FAM227B: variants seen among roughly 807,000 people sequenced by gnomAD.
FAM227B encodes protein FAM227B.
FAM227B carries 88 observed loss-of-function variants against 73.8 expected under a neutral mutation model. The observed-to-expected ratio is 1.19, with a 90% CI of 1.00 to 1.42. The LOEUF (loss-of-function observed/expected upper bound fraction) is 1.42. FAM227B is among the 40% of genes most tolerant of loss of function. The probability of loss-of-function intolerance (pLI) is 0.00; values close to 1 mark genes in which losing one functional copy is unlikely to be tolerated. For synonymous variants in FAM227B, 210 were observed against 190.5 expected (o/e 1.10, Z -0.84); for missense variants, 632 against 590.9 (o/e 1.07, Z -0.72).
intron 11 of FAM227B, among the ~76,000 whole-genome samples, chr15:49,471,057 T>C (rs1354611646): frequency 6.6e-6 from 1 of 152,220 alleles, no homozygotes; most frequent in African/African-American, 2.4e-5. Flanking sequence ...AAAAGTCTTG[T>C]TGATACTCTT....
intron 11 of FAM227B, among the ~76,000 whole-genome samples, chr15:49,392,603 G>C (rs906798740): frequency 3.9e-5 from 6 of 152,286 alleles, no homozygotes; most frequent in African/African-American, 1.4e-4. Context: ...AGAAGACAAA[G>C]AGCAAAGGAC....
At chr15:49,378,369 T>C (rs1321669811) in intron 11 of FAM227B, among the ~76,000 whole-genome samples, 2 of 152,088 alleles carry the variant, frequency 1.3e-5, no homozygotes, top group Admixed American at 6.6e-5. Flanking sequence ...AGGGATAGCA[T>C]TGAATCTGTA....
intron 11 of FAM227B, among the ~76,000 whole-genome samples, chr15:49,391,674 A>G (rs1321324333): frequency 6.6e-6 from 1 of 152,100 alleles, no homozygotes; most frequent in African/African-American, 2.4e-5. Flanking sequence ...TCCTTAAGCA[A>G]TTGCAAATCA....
intron 12 of FAM227B, chr15:49,367,865 A>AT (rs2045455955): frequency 9.1e-6 from 1 of 109,662 alleles, no homozygotes; most frequent in Non-Finnish European, 1.8e-5. Flanking sequence ...TCTTAAGAAC[A>AT]GAAAAAAAAA....
chr15:49,576,920 A>C, intron 6 of FAM227B, 75 bp from the exon 7 acceptor site: 1 of 764,060 alleles, frequency 1.3e-6, no homozygotes, highest in Non-Finnish European at 2.2e-6. Flanking sequence ...TAACTACAGA[A>C]GACCAACATT....
At chr15:49,490,374 A>G (rs1268587271) in intron 11 of FAM227B, among the ~76,000 whole-genome samples, 1 of 151,994 alleles carries the variant, frequency 6.6e-6, no homozygotes, top group East Asian at 1.9e-4. Flanking sequence ...CTGTTAAAAT[A>G]TATTTCAGAT....
At chr15:49,528,915 A>C (rs985219810) in intron 10 of FAM227B, among the ~76,000 whole-genome samples, 1 of 151,750 alleles carries the variant, frequency 6.6e-6, no homozygotes, top group African/African-American at 2.4e-5. Context: ...AAAAGCATGG[A>C]GATTTCTCAA....
At chr15:49,484,128 C>CT (rs1371513779) in intron 11 of FAM227B, among the ~76,000 whole-genome samples, 1 of 151,812 alleles carries the variant, frequency 6.6e-6, no homozygotes, top group African/African-American at 2.4e-5. Context: ...TTTAAGATAC[C>CT]TTTTTATGCA....
chr15:49,496,186 T>C (rs1443881854), intron 11 of FAM227B, among the ~76,000 whole-genome samples: 1 of 152,156 alleles, frequency 6.6e-6, no homozygotes, highest in Non-Finnish European at 1.5e-5. Context: ...CTGTGTTTCT[T>C]TTTATTTTTT....
At chr15:49,528,038 TG>T (rs1184543770) in intron 10 of FAM227B, among the ~76,000 whole-genome samples, 1 of 151,776 alleles carries the variant, frequency 6.6e-6, no homozygotes, top group African/African-American at 2.4e-5. Flanking sequence ...AAAATGCCTG[TG>T]TATCCAAAGC....
intron 15 of FAM227B, chr15:49,329,692 A>T (rs1218012025): frequency 4.1e-6 from 4 of 976,802 alleles, no homozygotes; most frequent in Non-Finnish European, 4.9e-6. Context: ...TAAATCCAAA[A>T]ATCTGAAACC....
chr15:49,605,893 T>TG (rs1475325177), intron 3 of FAM227B, among the ~76,000 whole-genome samples: 1 of 152,022 alleles, frequency 6.6e-6, no homozygotes, highest in Non-Finnish European at 1.5e-5. Flanking sequence ...GGAGTGGACT[T>TG]GGAGACTGGG....
chr15:49,568,712 C>T (rs1386854665), intron 8 of FAM227B, among the ~76,000 whole-genome samples: 1 of 152,086 alleles, frequency 6.6e-6, no homozygotes, highest in Admixed American at 6.5e-5. Context: ...GTTAATTATC[C>T]TTACATTCCA....
chr15:49,611,968 G>A (rs899997174), intron 2 of FAM227B, among the ~76,000 whole-genome samples: 4 of 150,516 alleles, frequency 2.7e-5, no homozygotes, highest in Non-Finnish European at 4.4e-5. Flanking sequence ...AGTTTTCTCC[G>A]TGGTAACATA....
intron 3 of FAM227B, chr15:49,606,128 C>G (rs1053298347): frequency 3.9e-5 from 6 of 152,190 alleles, no homozygotes; most frequent in Admixed American, 3.3e-4. Context: ...CTAGGACTCC[C>G]ATATAGTGAA....
intron 1 of FAM227B, chr15:49,620,245 T>C (rs1680043159): frequency 6.6e-6 from 1 of 152,248 alleles, no homozygotes; most frequent in Non-Finnish European, 1.5e-5. Flanking sequence ...TTGCATTTTC[T>C]GTACTTGAAT....
chr15:49,475,029 T>A (rs914400806), intron 11 of FAM227B, among the ~76,000 whole-genome samples: 2 of 152,144 alleles, frequency 1.3e-5, no homozygotes, highest in Admixed American at 6.5e-5. Flanking sequence ...CAGACAATGG[T>A]ATGGAAAACA....
At chr15:49,338,783 C>T (rs773816128) in intron 13 of FAM227B, among the ~76,000 whole-genome samples, 16 of 152,272 alleles carry the variant, frequency 1.1e-4, no homozygotes, top group Non-Finnish European at 2.2e-4. Context: ...TAGATTTGGT[C>T]TTTTCACATA....
intron 1 of FAM227B, among the ~76,000 whole-genome samples, chr15:49,615,800 A>G (rs1260565197): frequency 6.6e-6 from 1 of 152,248 alleles, no homozygotes; most frequent in East Asian, 1.9e-4. Flanking sequence ...ACTACGTCAC[A>G]TGACAAACGA....
Sources: allele counts gnomAD v4.1 joint callset (sites outside exome capture counted in the v4.1 genomes callset), GRCh38; gene constraint gnomAD v4.1.1; transcripts MANE v1.5; gene names NCBI Gene and HGNC (gene_info 2026-07-23, HGNC 2026-07-21).